Variants in TUSC3 observed in about 807,000 individuals in gnomAD.
TUSC3 encodes tumor suppressor candidate 3, also known as dolichyl-diphosphooligosaccharide--protein glycosyltransferase subunit TUSC3.
In TUSC3, 45 loss-of-function variants were observed where a neutral mutation model predicts 44.8. That is an observed-to-expected ratio of 1.00 (90% confidence interval 0.79 to 1.29). The LOEUF (loss-of-function observed/expected upper bound fraction) is 1.29, where lower values mean the gene tolerates loss of function less well. Ranked by LOEUF, TUSC3 falls within the 50% of genes most tolerant of loss-of-function variation. The pLI is 0.00. For missense variants in TUSC3, 519 were observed against 437.9 expected, an observed-to-expected ratio of 1.19 and a Z score of -1.65; for synonymous variants, 212 against 152.9, an observed-to-expected ratio of 1.39 and a Z score of -2.85.
At chr8:15,589,873 A>G (rs1404864577) in intron 1 of TUSC3, among the ~76,000 whole-genome samples, 1 of 152,206 alleles carries the variant, frequency 6.6e-6, no homozygotes. Flanking sequence ...AAAGTTCGAA[A>G]TAAGTATAAA....
chr8:15,696,565 G>T (rs1307841943), intron 6 of TUSC3, among the ~76,000 whole-genome samples: 3 of 152,130 alleles, frequency 2.0e-5, no homozygotes, highest in Non-Finnish European at 4.4e-5. Flanking sequence ...CCGTCCTCCA[G>T]ACCCCAGAAT....
At chr8:15,425,887 A>G (rs1398818155) in intron 1 of TUSC3, among the ~76,000 whole-genome samples, 1 of 152,154 alleles carries the variant, frequency 6.6e-6, no homozygotes, top group East Asian at 1.9e-4. Context: ...GTGGTAGCTC[A>G]TGCCTATAAT....
chr8:15,649,588 GAAA>G (rs35737672), intron 2 of TUSC3, among the ~76,000 whole-genome samples: 1 of 127,500 alleles, frequency 7.8e-6, no homozygotes, highest in Non-Finnish European at 1.7e-5. Context: ...CGTCTCAAAA[GAAA>G]AAAAAAAAAA....
intron 1 of TUSC3, among the ~76,000 whole-genome samples, chr8:15,576,308 A>ATTTT (rs1255779688): frequency 2.4e-4 from 16 of 65,640 alleles, no homozygotes; most frequent in Non-Finnish European, 4.5e-4. Flanking sequence ...TTATTTTTTT[A>ATTTT]TTTATTTATT....
chr8:15,487,921 TGAAAA>T (rs1800754996), intron 2 of TUSC3, among the ~76,000 whole-genome samples: 1 of 149,734 alleles, frequency 6.7e-6, no homozygotes, highest in Admixed American at 6.7e-5. Context: ...TTTTTTTTAC[TGAAAA>T]GAAGAGTAGC....
chr8:15,682,323 A>C (rs1808459985), intron 6 of TUSC3, among the ~76,000 whole-genome samples: 1 of 152,038 alleles, frequency 6.6e-6, no homozygotes, highest in Non-Finnish European at 1.5e-5. Flanking sequence ...TTTTTTATGA[A>C]TGTTTTATGA....
chr8:15,455,153 C>T (rs1056385832), intron 1 of TUSC3, among the ~76,000 whole-genome samples: 1 of 152,146 alleles, frequency 6.6e-6, no homozygotes, highest in African/African-American at 2.4e-5. Context: ...ATTGAGTAGA[C>T]ACTTGGGTAT....
chr8:15,705,738 G>T (rs1346465445), intron 6 of TUSC3, among the ~76,000 whole-genome samples: 2 of 152,102 alleles, frequency 1.3e-5, no homozygotes, highest in Non-Finnish European at 2.9e-5. Flanking sequence ...GCATAGTACT[G>T]CTTCAGCCCA....
chr8:15,583,975 T>C (rs1452557961), intron 1 of TUSC3, among the ~76,000 whole-genome samples: 1 of 152,212 alleles, frequency 6.6e-6, no homozygotes, highest in Non-Finnish European at 1.5e-5. Context: ...TGATAGATAG[T>C]GTCAGTTGTT....
intron 7 of TUSC3, among the ~76,000 whole-genome samples, chr8:15,732,748 A>G (rs2129209056): frequency 6.6e-6 from 1 of 152,330 alleles, no homozygotes; most frequent in African/African-American, 2.4e-5. Context: ...GTTGAGAAGA[A>G]CAAGATTACA....
chr8:15,540,775 A>G (rs1171721185), intron 1 of TUSC3, among the ~76,000 whole-genome samples: 1 of 152,120 alleles, frequency 6.6e-6, no homozygotes, highest in Non-Finnish European at 1.5e-5. Context: ...ACGACGGCAA[A>G]GCGTGTTCTT....
the TUSC3 span, among the ~76,000 whole-genome samples, chr8:15,775,206 G>T: frequency 6.6e-6 from 1 of 152,166 alleles, no homozygotes; most frequent in East Asian, 1.9e-4. Context: ...TGCCAGATAC[G>T]AAAAGCCACA....
At position 15,748,383 on chromosome 8, in the gene TUSC3, C is replaced by G. The variant is rs1180512898; in HGVS notation, c.946C>G (p.Leu316Val). 9 of 1,612,874 alleles carry G rather than the reference C, an allele frequency of 5.6e-6. No homozygotes were observed. The highest frequency in any genetic ancestry group is 7.6e-6 in the Non-Finnish European group (9 of 1,179,182). ...GDVGKRRIIC[L>V]VGLGLVVFFF... Reference sequence around the variant, plus strand: ...TTTCTGTCTGTTTCTAGTAATTTGCCTAGTGGGATTGGGCCTGGTGGTCTT... The same window carrying G: ...TTTCTGTCTGTTTCTAGTAATTTGCGTAGTGGGATTGGGCCTGGTGGTCTT... Residue 316 changes from leucine (L) to valine (V), a missense_variant, in exon 9 of 11, where the codon CTA becomes GTA. Leu to Val is a conservative substitution (Grantham distance 32, BLOSUM62 1). Coordinates refer to ENST00000503731, the MANE Select transcript of TUSC3 (RefSeq NM_006765.4).
chr8:15,548,875 T>G (rs1345585519), intron 1 of TUSC3, among the ~76,000 whole-genome samples: 2 of 151,796 alleles, frequency 1.3e-5, no homozygotes, highest in Non-Finnish European at 2.9e-5. Context: ...TTGAGGTACA[T>G]GTAGCCCTCC....
intron 1 of TUSC3, among the ~76,000 whole-genome samples, chr8:15,457,377 A>G (rs1324855373): frequency 6.6e-6 from 1 of 151,900 alleles, no homozygotes; most frequent in Non-Finnish European, 1.5e-5. Flanking sequence ...TTCTGAAGAG[A>G]AAAACATATG....
chr8:15,545,516 G>C (rs1343363712), intron 1 of TUSC3, among the ~76,000 whole-genome samples: 5 of 151,726 alleles, frequency 3.3e-5, no homozygotes, highest in African/African-American at 9.7e-5. Context: ...AAATATCCTT[G>C]AAAAGATGGT....
chr8:15,828,130 G>C, the TUSC3 span, among the ~76,000 whole-genome samples: 1 of 151,986 alleles, frequency 6.6e-6, no homozygotes, highest in South Asian at 2.1e-4. Context: ...AAATAGCTGG[G>C]ATTACAGGCA....
chr8:15,685,318 C>T (rs373188788), intron 6 of TUSC3, among the ~76,000 whole-genome samples: 74 of 151,162 alleles, frequency 4.9e-4, no homozygotes, highest in African/African-American at 1.8e-3. Flanking sequence ...TAGTGCCCAG[C>T]GACTCTGAGT....
intron 6 of TUSC3, among the ~76,000 whole-genome samples, chr8:15,712,317 T>C (rs1336538606): frequency 6.6e-6 from 1 of 152,010 alleles, no homozygotes; most frequent in East Asian, 1.9e-4. Context: ...CTTTGTATTA[T>C]CATTTTTCTG....
Sources: allele counts gnomAD v4.1 joint callset (sites outside exome capture counted in the v4.1 genomes callset), GRCh38; gene constraint gnomAD v4.1.1; transcripts MANE v1.5; gene names NCBI Gene and HGNC (gene_info 2026-07-23, HGNC 2026-07-21).